CCDC14: variants seen among roughly 807,000 people sequenced by gnomAD.
CCDC14 encodes the protein coiled-coil domain-containing protein 14.
A neutral mutation model predicts 81.4 loss-of-function variants in CCDC14; 71 were observed. That is an observed-to-expected ratio of 0.87 (90% CI 0.72 to 1.06). The LOEUF (loss-of-function observed/expected upper bound fraction) is 1.06. Among genes scored for constraint, CCDC14 ranks in the 50% least tolerant of loss-of-function variants. The pLI, the probability that CCDC14 is intolerant of heterozygous loss-of-function variation, is 0.00. For missense variants in CCDC14, 1,046 were observed against 1,047.3 expected, an observed-to-expected ratio of 1.00 and a Z score of 0.02; for synonymous variants, 332 against 364.8, an observed-to-expected ratio of 0.91 and a Z score of 1.03.
rs1187258685 is a variant in CCDC14 at position 123,914,725 on chromosome 3, A to G, written c.*54T>C. On this transcript the variant is annotated 3_prime_UTR_variant, in exon 13 of 13. Coordinates refer to ENST00000409697, the MANE Select transcript of CCDC14 (RefSeq NM_001366335.1). The stretch of plus-strand genomic sequence containing the variant: ...TTCACTAAAGAAAAATACACATTCA[A>G]TATAGCCAAGTTCTAGTTTTAAAAA... 1 of 1,459,558 alleles carries G rather than the reference A, an allele frequency of 6.9e-7. No homozygotes were observed. The highest frequency in any genetic ancestry group is 9.0e-7 in the Non-Finnish European group (1 of 1,107,648). 90.4% of individuals were successfully genotyped at this position (1,459,558 alleles called of 1,614,324 possible).
chr3:123,960,644 G>A (rs1178179181), intron 1 of CCDC14, among the ~76,000 whole-genome samples: 1 of 152,156 alleles, frequency 6.6e-6, no homozygotes, highest in East Asian at 1.9e-4. Context: ...TAAGATGGTG[G>A]CAAACTACGT....
chr3:123,891,518 A>G, the CCDC14 span, among the ~76,000 whole-genome samples: 1 of 152,168 alleles, frequency 6.6e-6, no homozygotes, highest in Non-Finnish European at 1.5e-5. Flanking sequence ...AAGTTCCACA[A>G]ATCTCTAGGG....
Position 123,903,297 on chromosome 3 carries a change from AACACACACACACAC to A in CCDC14, c.668-5698_668-5685del, listed in dbSNP as rs57466490. The stretch of plus-strand genomic sequence containing the variant: ...CCATAATAAAAAGTATTATTTTTCA[AACACACACACACAC>A]ACACACACACACACACACACACACA... On this transcript the variant is annotated intron_variant, in intron 5 of 5. Coordinates refer to the CCDC14 transcript ENST00000479903. Among the ~76,000 whole-genome samples, 769 of 144,278 alleles carry A rather than the reference AACACACACACACAC, an allele frequency of 5.3e-3. 8 individuals carry two copies. Among genetic ancestry groups the A allele is most frequent in the East Asian group, 0.022 (107 of 4,800 alleles). The allele number at this position is 144,278 out of a possible 152,430, so 94.7% of individuals were successfully genotyped here. A position where few individuals can be genotyped will look rare whatever the true frequency, so the allele number is the denominator to read the frequency against.
In CCDC14 at chr3:123,914,885, G is replaced by A. The variant is rs763135281; in HGVS notation, c.2612C>T (p.Thr871Met). The change falls in exon 13 of 13, where the codon ACG (threonine) becomes ATG (methionine). Residue 871 changes from threonine (T) to methionine (M), a missense_variant. Coordinates refer to ENST00000409697, the MANE Select transcript of CCDC14 (RefSeq NM_001366335.1). ...GTCTTGTTCATCACGAGAAGTGAACGTTGAAAACGAAGAGATGCTCCAGTC... is the reference window on the plus strand; with the variant it reads ...GTCTTGTTCATCACGAGAAGTGAACATTGAAAACGAAGAGATGCTCCAGTC... ...MSDWSISSFSTFTSRDEQDFR... is the reference protein window; with the variant it reads ...MSDWSISSFSMFTSRDEQDFR... 9 of 1,613,516 alleles carry A rather than the reference G, an allele frequency of 5.6e-6. No individual in the cohort carries two copies. Among genetic ancestry groups the A allele is most frequent in the Admixed American group, 1.7e-5 (1 of 59,924 alleles).
downstream of CCDC14, among the ~76,000 whole-genome samples, chr3:123,893,604 C>T (rs2034019317): frequency 2.0e-5 from 3 of 152,100 alleles, no homozygotes; most frequent in South Asian, 6.2e-4. Flanking sequence ...AATGAAATTA[C>T]TGAGTCATAT....
chr3:123,946,166 TTCAA>T (rs1333157368), intron 8 of CCDC14, among the ~76,000 whole-genome samples: 1 of 151,798 alleles, frequency 6.6e-6, no homozygotes, highest in Admixed American at 6.6e-5. Context: ...ACGTTAGGTA[TTCAA>T]TCAATGCTTC....
At chr3:123,960,257 T>C (rs1051713117) in intron 1 of CCDC14, among the ~76,000 whole-genome samples, 1 of 152,244 alleles carries the variant, frequency 6.6e-6, no homozygotes, top group Non-Finnish European at 1.5e-5. Flanking sequence ...ACTGCCTTTG[T>C]AGAATGACTT....
At position 123,947,220 on chromosome 3, in the gene CCDC14, C is replaced by T. The variant is rs774636051; in HGVS notation, c.784G>A (p.Gly262Arg). 2.5e-6 allele frequency: 4 copies of T among 1,613,788 alleles called. No homozygotes were observed. The highest frequency in any genetic ancestry group is 1.1e-5 in the South Asian group (1 of 91,078). The change falls in exon 8 of 13, where the codon GGA becomes AGA. Residue 262 changes from glycine (G) to arginine (R), a missense_variant. Transcript: ENST00000409697. The part of the protein sequence containing the change: ...VLRNSFNTSP[G>R]VPCSLPKTDI... ...GTTTTGGGCAGGCTACATGGAACTC[C>T]AGGACTGGTATTAAATGAATTCCGT...
chr3:123,947,682 A>G (rs1022135566), intron 7 of CCDC14, among the ~76,000 whole-genome samples: 9 of 152,142 alleles, frequency 5.9e-5, no homozygotes, highest in African/African-American at 1.9e-4. Flanking sequence ...AGTCTATTTT[A>G]GTCATGGCCT....
intron 12 of CCDC14, among the ~76,000 whole-genome samples, chr3:123,927,000 C>G (rs748805865): frequency 6.6e-6 from 1 of 152,198 alleles, no homozygotes; most frequent in East Asian, 1.9e-4. Flanking sequence ...ACTTATAGTA[C>G]TAGAGATGTT....
At chr3:123,905,741 A>G (rs1385146315) in intron 5 of CCDC14, among the ~76,000 whole-genome samples, 1 of 152,212 alleles carries the variant, frequency 6.6e-6, no homozygotes, top group African/African-American at 2.4e-5. Flanking sequence ...CTGTCCAGGT[A>G]GCTGATACTC....
At chr3:123,952,076 G>A (rs1337829802) in intron 5 of CCDC14, among the ~76,000 whole-genome samples, 1 of 152,188 alleles carries the variant, frequency 6.6e-6, no homozygotes, top group Non-Finnish European at 1.5e-5. Flanking sequence ...TCTTGCTCTT[G>A]TTAATTACAC....
chr3:123,926,352 A>G lies in CCDC14; in HGVS notation c.1778+4750T>C, dbSNP rs150673721. ...GACAAGCGGATATATTGGTGTTTCT[A>G]TTATACATAATTCAGCTAAAGACAC... On this transcript the variant is annotated intron_variant, in intron 12 of 12. Coordinates refer to ENST00000409697, the MANE Select transcript of CCDC14 (RefSeq NM_001366335.1). 2.9e-3 allele frequency among the ~76,000 whole-genome samples: 438 copies of G among 152,030 alleles called. 5 individuals carry two copies. The highest frequency in any genetic ancestry group is 9.7e-3 in the African/African-American group (405 of 41,544).
At chr3:123,948,297 C>T (rs558666865) in intron 7 of CCDC14, among the ~76,000 whole-genome samples, 3 of 149,928 alleles carry the variant, frequency 2.0e-5, no homozygotes, top group Non-Finnish European at 3.0e-5. Context: ...AGTGCAGTGG[C>T]GCGATCTCAC....
downstream of CCDC14, chr3:123,913,329 G>C: frequency 1.0e-6 from 1 of 969,268 alleles, no homozygotes; most frequent in Non-Finnish European, 1.2e-6. Flanking sequence ...GCTGTTCCAT[G>C]TTAAGGGCCA....
intron 10 of CCDC14, among the ~76,000 whole-genome samples, chr3:123,932,577 G>A (rs867390386): frequency 1.3e-5 from 2 of 151,730 alleles, no homozygotes; most frequent in Admixed American, 6.6e-5. Context: ...AGTTTTCTGG[G>A]GACATATTTT....
In CCDC14 at chr3:123,955,835, A is replaced by G. The variant is rs2037290593; in HGVS notation, c.352+8T>C. On this transcript the variant is annotated splice_region_variant and intron_variant, in intron 5 of 12. Transcript: ENST00000409697. Reference sequence around the variant, plus strand: ...TATCTTTAAATAACTAAGAGAAAAAAGGCTTACATGTTTCTTTCTGGACTA... The same window carrying G: ...TATCTTTAAATAACTAAGAGAAAAAGGGCTTACATGTTTCTTTCTGGACTA... 5 of 1,496,416 alleles carry G rather than the reference A, an allele frequency of 3.3e-6. No individual in the cohort carries two copies. Among genetic ancestry groups the G allele is most frequent in the Admixed American group, 2.5e-5 (1 of 39,334 alleles). The allele number at this position is 1,496,416 out of a possible 1,614,324, so 92.7% of individuals were successfully genotyped here.
At position 123,942,237 on chromosome 3, in the gene CCDC14, G is replaced by A. The variant is rs1479297232; in HGVS notation, c.1343+2612C>T. ...CCTTCATTTCCTCATCTGTAAATGC[G>A]AGTAAATAGCACCTATTTCACAAAG... On this transcript the variant is annotated intron_variant, in intron 9 of 12. Transcript: ENST00000409697. Among the ~76,000 whole-genome samples, 7 of 152,080 alleles carry A rather than the reference G, an allele frequency of 4.6e-5. No homozygotes were observed. In the East Asian group the frequency reaches 1.4e-3, roughly 29 times the overall value.
intron 1 of CCDC14, among the ~76,000 whole-genome samples, chr3:123,960,226 T>C (rs2037596724): frequency 6.6e-6 from 1 of 152,240 alleles, no homozygotes. Flanking sequence ...TCATATCTCC[T>C]ACCAACAAGT....
Sources: allele counts gnomAD v4.1 joint callset (sites outside exome capture counted in the v4.1 genomes callset), GRCh38; gene constraint gnomAD v4.1.1; transcripts MANE v1.5; gene names NCBI Gene and HGNC (gene_info 2026-07-23, HGNC 2026-07-21).